Variants in PIK3C2G observed in about 807,000 individuals in gnomAD.
PIK3C2G encodes the protein phosphatidylinositol 3-kinase C2 domain-containing subunit gamma.
A neutral mutation model predicts 181.1 loss-of-function variants in PIK3C2G; 168 were observed. The observed-to-expected ratio is 0.93, with a 90% CI of 0.82 to 1.05. The LOEUF (loss-of-function observed/expected upper bound fraction) is 1.05. Among genes scored for constraint, PIK3C2G ranks in the 50% least tolerant of loss-of-function variants. PIK3C2G has a pLI of 0.00. For missense variants in PIK3C2G, 1,869 were observed against 1,732.8 expected (o/e 1.08, Z -1.40); for synonymous variants, 573 against 592.2 (o/e 0.97, Z 0.47).
intron 31 of PIK3C2G, among the ~76,000 whole-genome samples, chr12:18,627,044 C>T (rs1401294137): frequency 6.6e-6 from 1 of 151,790 alleles, no homozygotes; most frequent in African/African-American, 2.4e-5. Flanking sequence ...TACCAACATT[C>T]CCATAAATTT....
intron 1 of PIK3C2G, among the ~76,000 whole-genome samples, chr12:18,266,624 A>G (rs1252494440): frequency 6.6e-6 from 1 of 152,152 alleles, no homozygotes; most frequent in Non-Finnish European, 1.5e-5. Flanking sequence ...GAGCACTTAC[A>G]TATGTTCAAA....
In PIK3C2G at chr12:18,256,511, T is replaced by C. The variant is rs759099985; in HGVS notation, c.-79+8429T>C. On this transcript the variant is annotated intron_variant, in intron 1 of 11. Coordinates refer to the PIK3C2G transcript ENST00000535651. ...CCTAACCTTCGAAACTATAAAGAAC[T>C]TCAATTAACTGAGAGGTTTTAATGT... Among the ~76,000 whole-genome samples the C allele has an allele frequency of 2.6e-5, 4 of 152,120 alleles. 1 individual carries two copies. The highest frequency in any genetic ancestry group is 4.1e-4 in the South Asian group (2 of 4,826).
chr12:18,448,021 G>A (rs916961001), intron 18 of PIK3C2G, among the ~76,000 whole-genome samples: 1 of 152,046 alleles, frequency 6.6e-6, no homozygotes, highest in African/African-American at 2.4e-5. Flanking sequence ...TCAAATATTG[G>A]AATGAGACCT....
At chr12:18,646,197 T>C (rs954200470) in intron 32 of PIK3C2G, among the ~76,000 whole-genome samples, 2 of 152,212 alleles carry the variant, frequency 1.3e-5, no homozygotes, top group Admixed American at 6.5e-5. Context: ...CATGCAGATT[T>C]TATTTAATGA....
At chr12:18,280,384 C>T (rs548871230) in intron 1 of PIK3C2G, among the ~76,000 whole-genome samples, 3 of 151,902 alleles carry the variant, frequency 2.0e-5, no homozygotes, top group Non-Finnish European at 4.4e-5. Flanking sequence ...TTTACCTTTC[C>T]CGGGCATTCA....
chr12:18,446,755 T>G (rs1324696226), intron 18 of PIK3C2G, among the ~76,000 whole-genome samples: 1 of 152,164 alleles, frequency 6.6e-6, no homozygotes, highest in Non-Finnish European at 1.5e-5. Flanking sequence ...AGTTTTATAT[T>G]AACTTCAAGA....
chr12:18,620,337 T>C (rs1238574327), intron 31 of PIK3C2G, among the ~76,000 whole-genome samples: 2 of 152,170 alleles, frequency 1.3e-5, no homozygotes. Flanking sequence ...AAAATGAACA[T>C]CTTTATTTCT....
the PIK3C2G span, chr12:18,713,065 A>G: frequency 3.9e-6 from 6 of 1,551,886 alleles, no homozygotes; most frequent in South Asian, 6.9e-5. Context: ...TATTCCAAAG[A>G]CCATTTGATT....
intron 1 of PIK3C2G, among the ~76,000 whole-genome samples, chr12:18,273,746 A>G (rs1200685075): frequency 6.6e-6 from 1 of 152,190 alleles, no homozygotes; most frequent in East Asian, 1.9e-4. Context: ...AGCCATGGGC[A>G]AGGACTCCAT....
intron 31 of PIK3C2G, among the ~76,000 whole-genome samples, chr12:18,628,554 T>C (rs568003582): frequency 2.0e-5 from 3 of 152,332 alleles, no homozygotes; most frequent in African/African-American, 7.2e-5. Flanking sequence ...CTTAAAACAA[T>C]ACCATTTAGA....
chr12:18,448,312 C>A (rs1474311033), intron 18 of PIK3C2G, among the ~76,000 whole-genome samples: 1 of 152,048 alleles, frequency 6.6e-6, no homozygotes, highest in African/African-American at 2.4e-5. Context: ...AATATACACA[C>A]AATGATGTTT....
chr12:18,377,832 A>C (rs1028454425), intron 13 of PIK3C2G, among the ~76,000 whole-genome samples: 2 of 152,062 alleles, frequency 1.3e-5, no homozygotes, highest in Admixed American at 6.6e-5. Flanking sequence ...TAAATATTAC[A>C]TATATATATG....
intron 15 of PIK3C2G, among the ~76,000 whole-genome samples, chr12:18,392,828 A>G (rs1159082639): frequency 6.6e-6 from 1 of 152,138 alleles, no homozygotes; most frequent in East Asian, 1.9e-4. Context: ...TAAATAGATT[A>G]TAAGGACTGA....
At chr12:18,487,047 C>T (rs1940108790) in intron 18 of PIK3C2G, among the ~76,000 whole-genome samples, 1 of 148,348 alleles carries the variant, frequency 6.7e-6, no homozygotes, top group African/African-American at 2.5e-5. Flanking sequence ...AACCAAGTAT[C>T]AATAGAGAAT....
At position 18,381,789 on chromosome 12, in the gene PIK3C2G, T is replaced by C. The variant is rs375189959; in HGVS notation, c.1904T>C (p.Leu635Pro). The change falls in exon 14 of 33, where the codon CTG (leucine) becomes CCG (proline). Residue 635 changes from leucine to proline, a missense_variant. By Grantham distance (98) the Leu-to-Pro change is moderately conservative. Transcript: ENST00000538779. ...AGAAAATCCATTCTCGGGTCTATGC[T>C]GTTCAGCATGACATTACAGAGTGAG... ...PKEKSILGSM[L>P]FSMTLQSEPP... The C allele has an allele frequency of 3.1e-6, 5 of 1,612,584 alleles. No homozygotes were observed. In the African/African-American group the frequency reaches 6.7e-5, roughly 22 times the overall value.
intron 14 of PIK3C2G, among the ~76,000 whole-genome samples, chr12:18,388,253 T>A (rs10161073): frequency 6.6e-6 from 1 of 152,092 alleles, no homozygotes; most frequent in Non-Finnish European, 1.5e-5. Context: ...TGGTCTAACA[T>A]ACGTATGTCT....
intron 31 of PIK3C2G, among the ~76,000 whole-genome samples, chr12:18,631,167 G>C (rs758803491): frequency 1.6e-4 from 25 of 152,104 alleles, no homozygotes; most frequent in Admixed American, 1.4e-3. Flanking sequence ...AAGAGGATAC[G>C]ATGCTAGTAA....
At chr12:18,650,858 C>G (rs891427733), downstream of PIK3C2G, among the ~76,000 whole-genome samples, 1 of 150,682 alleles carries the variant, frequency 6.6e-6, no homozygotes, top group Admixed American at 6.6e-5. Context: ...TGAAAATACT[C>G]TGGTCCAACT....
At chr12:18,721,264 C>A in the PIK3C2G span, among the ~76,000 whole-genome samples, 1 of 152,010 alleles carries the variant, frequency 6.6e-6, no homozygotes, top group East Asian at 1.9e-4. Flanking sequence ...TTTTTAAAAA[C>A]CTCATTTGGT....
Sources: gnomAD v4.1 joint callset for allele counts (sites outside exome capture counted in the v4.1 genomes callset) on GRCh38, gnomAD v4.1.1 for gene constraint, MANE v1.5 for transcripts, NCBI Gene and HGNC (gene_info 2026-07-23, HGNC 2026-07-21) for gene names.